The following MTMR12 variants were observed in gnomAD, a reference collection of about 807,000 sequenced individuals.
MTMR12 encodes the protein myotubularin related protein 12, also known as myotubularin-related protein 12.
A neutral mutation model predicts 96.7 loss-of-function variants in MTMR12; 33 were observed. The observed-to-expected ratio is 0.34, with a 90% CI of 0.26 to 0.46. The LOEUF (loss-of-function observed/expected upper bound fraction) is 0.46. Ranked by LOEUF, MTMR12 falls within the 20% of genes least tolerant of loss-of-function variation. MTMR12 has a pLI of 1.00. For missense variants in MTMR12, 721 were observed against 896.1 expected (o/e 0.80, Z 2.49); for synonymous variants, 298 against 327.2 (o/e 0.91, Z 0.96).
At chr5:32,268,926 G>A (rs1749718950) in intron 5 of MTMR12, 132 bp from the exon 6 acceptor site, 2 of 644,746 alleles carry the variant, frequency 3.1e-6, no homozygotes, top group Non-Finnish European at 2.7e-6. Flanking sequence ...ATTCTCATTT[G>A]AGATCTGTAT....
rs1328980341 is a variant in MTMR12, at chr5:32,285,822, T to C, written c.82-9080A>G. Among the ~76,000 whole-genome samples, 13 of 152,260 alleles carry C rather than the reference T, an allele frequency of 8.5e-5. No homozygotes were observed. In the South Asian group the frequency reaches 1.0e-3, roughly 12 times the overall value. ...AAGGAGACACACCTGCTGGAACCCA[T>C]ATCACACAGCTGGTCTAGCATCAAA... On this transcript the variant is annotated intron_variant, in intron 1 of 15. Transcript: ENST00000382142.
chr5:32,248,325 C>A lies in MTMR12; in HGVS notation c.897-199G>T, dbSNP rs79219250. Among the ~76,000 whole-genome samples the A allele has an allele frequency of 1.1e-3, 175 of 152,226 alleles. No homozygotes were observed. In the East Asian group the frequency reaches 0.028, roughly 24 times the overall value. On this transcript the variant is annotated intron_variant, in intron 9 of 15. Transcript: ENST00000382142. ...GGTGCATAAAGTAAAACTGCCTGGC[C>A]CAAGATCATCCAATTTATAAACTGA... is the stretch of plus-strand genomic sequence containing the variant.
At position 32,243,573 on chromosome 5, in the gene MTMR12, C is replaced by T. The variant is rs1307240565; in HGVS notation, c.1048G>A (p.Asp350Asn). Residue 350 changes from aspartate (D) to asparagine (N), a missense_variant, in exon 11 of 16, where the codon GAT (aspartate) becomes AAT (asparagine). Coordinates refer to ENST00000382142, the MANE Select transcript of MTMR12 (RefSeq NM_001040446.3). The stretch of plus-strand genomic sequence containing the variant: ...TCCAACAGAGAAAACCATTTTATAT[C>T]TGTGTCCCAAAATTCAGTACTGTTA... ...IDNSTEFWDT[D>N]IKWFSLLESS... is the part of the protein sequence containing the mutation. The T allele has an allele frequency of 6.2e-7, 1 of 1,611,472 alleles. No individual in the cohort carries two copies. The highest frequency in any genetic ancestry group is 1.3e-5 in the African/African-American group (1 of 74,856).
At chr5:32,232,438 C>T (rs1171130156) in intron 15 of MTMR12, among the ~76,000 whole-genome samples, 9 of 152,166 alleles carry the variant, frequency 5.9e-5, no homozygotes, top group Non-Finnish European at 1.2e-4. Context: ...TCCCTATCTC[C>T]CAAGGAAAAG....
chr5:32,287,233 C>T (rs1227252872), intron 1 of MTMR12, among the ~76,000 whole-genome samples: 1 of 152,088 alleles, frequency 6.6e-6, no homozygotes, highest in Non-Finnish European at 1.5e-5. Context: ...GTGAGTGTTG[C>T]CAAAGGAGAT....
intron 12 of MTMR12, among the ~76,000 whole-genome samples, chr5:32,241,337 G>A (rs2112002284): frequency 6.6e-6 from 1 of 152,288 alleles, no homozygotes; most frequent in East Asian, 1.9e-4. Flanking sequence ...AATATCAGAT[G>A]GACAGAAGCC....
chr5:32,255,618 G>T, intron 8 of MTMR12, 75 bp downstream of exon 8: 1 of 1,340,658 alleles, frequency 7.5e-7, no homozygotes, highest in Non-Finnish European at 1.0e-6. Flanking sequence ...AAAGCCAAGG[G>T]CTTTCAGTAG....
At chr5:32,255,661 C>A in intron 8 of MTMR12, 32 bp downstream of exon 8, 2 of 1,573,150 alleles carry the variant, frequency 1.3e-6, no homozygotes, top group Non-Finnish European at 8.7e-7. Context: ...AATGCACAAC[C>A]CACACCTTTC....
intron 4 of MTMR12, among the ~76,000 whole-genome samples, chr5:32,271,350 ACC>A (rs964168105): frequency 1.0e-3 from 153 of 152,306 alleles, no homozygotes; most frequent in African/African-American, 3.5e-3. Context: ...CAGAATGTGG[ACC>A]CACTCAGCAC....
chr5:32,233,131 CT>C lies in MTMR12; in HGVS notation c.1674+641del. 2 of 516,162 alleles carry C rather than the reference CT, an allele frequency of 3.9e-6. No homozygotes were observed. The highest frequency in any genetic ancestry group is 5.0e-6 in the Non-Finnish European group (2 of 401,340). 32.0% of individuals were successfully genotyped at this position (516,162 alleles called of 1,614,324 possible). On this transcript the variant is annotated intron_variant, in intron 15 of 15. Coordinates refer to ENST00000382142, the MANE Select transcript of MTMR12 (RefSeq NM_001040446.3). The surrounding 1 kb of genome is among the most constrained non-coding windows in gnomAD (Gnocchi z 5.0). The stretch of plus-strand genomic sequence containing the variant: ...GCATAGGTCAGCAAACTGGCCACCC[CT>C]CCGGCCAAATCTGGCCTGGCGCCTG...
chr5:32,261,197 C>T (rs1332386738), intron 7 of MTMR12, among the ~76,000 whole-genome samples: 1 of 152,046 alleles, frequency 6.6e-6, no homozygotes, highest in Non-Finnish European at 1.5e-5. Context: ...AGCACCACTG[C>T]ACTTCAGCCT....
At chr5:32,284,652 A>C (rs1750450963) in intron 1 of MTMR12, among the ~76,000 whole-genome samples, 1 of 152,184 alleles carries the variant, frequency 6.6e-6, no homozygotes. Context: ...CTGCGCCTTT[A>C]ACTCTGACAC....
At position 32,230,088 on chromosome 5, in the gene MTMR12, C is replaced by T. The variant is rs756578225; in HGVS notation, c.1934G>A (p.Arg645His). 4 of 1,612,784 alleles carry T rather than the reference C, an allele frequency of 2.5e-6. No homozygotes were observed. The highest frequency in any genetic ancestry group is 1.1e-5 in the South Asian group (1 of 90,988). ...TAGGATTTGGGCTTCTGGAATCCAACGTAGGTAGCGCTGGGCCCAGACTTT... is the reference window on the plus strand; with the variant it reads ...TAGGATTTGGGCTTCTGGAATCCAATGTAGGTAGCGCTGGGCCCAGACTTT... ...EIKVWAQRYLRWIPEAQILGG... is the reference protein window; with the variant it reads ...EIKVWAQRYLHWIPEAQILGG... The change falls in exon 16 of 16, where the codon CGT (arginine) becomes CAT (histidine). Residue 645 changes from arginine to histidine, a missense_variant. By Grantham distance (29) the Arg-to-His change is conservative (BLOSUM62 0). Coordinates refer to ENST00000382142, the MANE Select transcript of MTMR12 (RefSeq NM_001040446.3).
At chr5:32,235,859 C>G (rs912909317) in intron 13 of MTMR12, among the ~76,000 whole-genome samples, 1 of 152,158 alleles carries the variant, frequency 6.6e-6, no homozygotes, top group Non-Finnish European at 1.5e-5. Context: ...CCTGATTAAC[C>G]AGTGATCCTG....
At chr5:32,277,165 G>A (rs1292409824) in intron 1 of MTMR12, among the ~76,000 whole-genome samples, 1 of 152,102 alleles carries the variant, frequency 6.6e-6, no homozygotes, top group Non-Finnish European at 1.5e-5. Flanking sequence ...GATTACAGGC[G>A]TGAGCCACCA....
At position 32,312,625 on chromosome 5, in the gene MTMR12, G is replaced by A; in HGVS notation, c.81+133C>T. The A allele has an allele frequency of 4.8e-6, 4 of 836,672 alleles. No homozygotes were observed. Among genetic ancestry groups the A allele is most frequent in the East Asian group, 8.5e-5 (2 of 23,644 alleles). The allele number at this position is 836,672 out of a possible 1,614,324, so 51.8% of individuals were successfully genotyped here. A position where few individuals can be genotyped will look rare whatever the true frequency, so the allele number is the denominator to read the frequency against. On this transcript the variant is annotated intron_variant, in intron 1 of 15. Transcript: ENST00000382142. This position sits in a 1 kb window ranked among gnomAD's most constrained non-coding sequence, Gnocchi z 5.0. ...CAGCGCGCTCCTGCGGCCTCAGCCC[G>A]CCTGGCTGCCCCGTCGCCCGGCACA...
chr5:32,282,342 G>A (rs1750330810), intron 1 of MTMR12, among the ~76,000 whole-genome samples: 1 of 151,776 alleles, frequency 6.6e-6, no homozygotes, highest in Admixed American at 6.6e-5. Flanking sequence ...AATGGCGTGA[G>A]CCCGGGAGGC....
rs559537041 is a variant in MTMR12 at position 32,269,215 on chromosome 5, C to T, written c.490-421G>A. Among the ~76,000 whole-genome samples the T allele has an allele frequency of 4.6e-5, 7 of 151,836 alleles. No individual in the cohort carries two copies. The South Asian group carries it at 8.3e-4, about 18-fold the overall frequency. Reference sequence around the variant, plus strand: ...CTAATCTTTGTATTTCTAGTAGAGACGGGGTTTCGCTATGTTGGCCAGGCT... The same window carrying T: ...CTAATCTTTGTATTTCTAGTAGAGATGGGGTTTCGCTATGTTGGCCAGGCT... On this transcript the variant is annotated intron_variant, in intron 5 of 15. Coordinates refer to ENST00000382142, the MANE Select transcript of MTMR12 (RefSeq NM_001040446.3).
intron 1 of MTMR12, among the ~76,000 whole-genome samples, chr5:32,282,089 T>C (rs1581630706): frequency 6.6e-6 from 1 of 151,756 alleles, no homozygotes. Flanking sequence ...TACTCAATCA[T>C]CACGAGCATC....
Sources: allele counts gnomAD v4.1 joint callset (sites outside exome capture counted in the v4.1 genomes callset), GRCh38; gene constraint gnomAD v4.1.1; non-coding constraint Gnocchi (gnomAD v3.1); transcripts MANE v1.5; gene names NCBI Gene and HGNC (gene_info 2026-07-23, HGNC 2026-07-21).